The following NBAS variants were observed in gnomAD, a reference collection of about 807,000 sequenced individuals.
NBAS encodes the protein NBAS subunit of NRZ tethering complex.
NBAS carries 219 observed loss-of-function variants against 302.5 expected under a neutral mutation model. The ratio of observed to expected loss-of-function variants is 0.72; its 90% CI spans 0.65 to 0.81. The LOEUF (loss-of-function observed/expected upper bound fraction) is 0.81. Ranked by LOEUF, NBAS falls within the 30% of genes least tolerant of loss-of-function variation. The pLI, the probability that NBAS is intolerant of heterozygous loss-of-function variation, is 0.00. For synonymous variants in NBAS, 1,118 were observed against 1,021.6 expected (o/e 1.09, Z -1.80); for missense variants, 2,932 against 2,841.6 (o/e 1.03, Z -0.72).
chr2:15,260,646 T>C (rs764705260), intron 44 of NBAS, among the ~76,000 whole-genome samples: 1 of 152,118 alleles, frequency 6.6e-6, no homozygotes, highest in Non-Finnish European at 1.5e-5. Flanking sequence ...AATGACATTA[T>C]GTTAAAGGAC....
chr2:15,315,900 AG>A (rs1053372266), intron 38 of NBAS, among the ~76,000 whole-genome samples: 60 of 152,190 alleles, frequency 3.9e-4, no homozygotes, highest in Admixed American at 3.4e-3. Context: ...CTGTCTCAGC[AG>A]CCCTCACCCA....
intron 38 of NBAS, among the ~76,000 whole-genome samples, chr2:15,320,087 T>C (rs1373607256): frequency 1.3e-5 from 2 of 152,062 alleles, no homozygotes; most frequent in East Asian, 1.9e-4. Flanking sequence ...GCAAGGCTGG[T>C]TCAACATATG....
At chr2:15,080,941 G>A in the NBAS span, among the ~76,000 whole-genome samples, 3 of 152,122 alleles carry the variant, frequency 2.0e-5, no homozygotes, top group Non-Finnish European at 4.4e-5. Context: ...TATCCAAATG[G>A]TTGAGAAACA....
At chr2:15,370,293 T>C (rs1489234622) in intron 31 of NBAS, among the ~76,000 whole-genome samples, 3 of 152,126 alleles carry the variant, frequency 2.0e-5, no homozygotes, top group African/African-American at 2.4e-5. Context: ...CACCACCTCA[T>C]AGGGTATGGT....
chr2:15,213,385 G>A (rs1418181412), intron 48 of NBAS, among the ~76,000 whole-genome samples: 2 of 152,112 alleles, frequency 1.3e-5, no homozygotes, highest in Non-Finnish European at 2.9e-5. Flanking sequence ...ACCATGTATC[G>A]AGACGTGACA....
At chr2:15,037,582 A>C in the NBAS span, among the ~76,000 whole-genome samples, 1 of 152,246 alleles carries the variant, frequency 6.6e-6, no homozygotes, top group African/African-American at 2.4e-5. Flanking sequence ...CAAAATTAAA[A>C]TCACATTAAA....
the NBAS span, among the ~76,000 whole-genome samples, chr2:14,908,312 G>A: frequency 1.1e-4 from 16 of 152,280 alleles, 1 homozygote; most frequent in South Asian, 4.1e-4. Context: ...GCAGTGAGCC[G>A]AGATTGCACC....
At chr2:14,789,293 G>T in the NBAS span, among the ~76,000 whole-genome samples, 1 of 152,174 alleles carries the variant, frequency 6.6e-6, no homozygotes, top group Non-Finnish European at 1.5e-5. Flanking sequence ...CCCAAGTGAG[G>T]CAATGCCTCA....
At chr2:15,162,820 T>A (rs774759082), downstream of NBAS, among the ~76,000 whole-genome samples, 2 of 152,218 alleles carry the variant, frequency 1.3e-5, no homozygotes, top group African/African-American at 4.8e-5. Flanking sequence ...TTTGAAGTTA[T>A]TAAGAAGAAA....
chr2:15,268,934 C>A (rs937296862), intron 44 of NBAS, among the ~76,000 whole-genome samples: 1 of 152,188 alleles, frequency 6.6e-6, no homozygotes, highest in African/African-American at 2.4e-5. Flanking sequence ...GGAAGTAGCA[C>A]AAGCACAAAA....
chr2:14,919,010 A>G, the NBAS span, among the ~76,000 whole-genome samples: 1 of 152,100 alleles, frequency 6.6e-6, no homozygotes, highest in African/African-American at 2.4e-5. Context: ...ACAGAAGACA[A>G]CTGGGGAGAT....
At chr2:15,257,415 TTGA>T in intron 44 of NBAS, among the ~76,000 whole-genome samples, 1 of 151,572 alleles carries the variant, frequency 6.6e-6, no homozygotes, top group Non-Finnish European at 1.5e-5. Flanking sequence ...TTTTTTTTTT[TTGA>T]GTCTCTCTCT....
the NBAS span, among the ~76,000 whole-genome samples, chr2:15,091,665 TG>T: frequency 6.6e-6 from 1 of 152,122 alleles, no homozygotes. Flanking sequence ...ACAGAGTAGC[TG>T]GGATTACAGG....
At chr2:15,345,459 C>A in intron 35 of NBAS, among the ~76,000 whole-genome samples, 1 of 152,082 alleles carries the variant, frequency 6.6e-6, no homozygotes, top group Non-Finnish European at 1.5e-5. Flanking sequence ...ATGTGAAGGA[C>A]CTCTCAAGGA....
chr2:15,413,973 G>A (rs980577210), intron 25 of NBAS, among the ~76,000 whole-genome samples: 2 of 152,166 alleles, frequency 1.3e-5, no homozygotes, highest in Admixed American at 6.5e-5. Flanking sequence ...AGGATTTACG[G>A]AAGTATAACA....
intron 48 of NBAS, among the ~76,000 whole-genome samples, chr2:15,198,852 C>A (rs960035396): frequency 1.3e-5 from 2 of 152,054 alleles, no homozygotes; most frequent in African/African-American, 4.8e-5. Flanking sequence ...ATTGGCCGGG[C>A]GCGGTGGCTC....
chr2:15,324,311 A>G (rs1056315154), intron 38 of NBAS, among the ~76,000 whole-genome samples: 6 of 152,162 alleles, frequency 3.9e-5, no homozygotes, highest in Admixed American at 2.0e-4. Flanking sequence ...TCAGCCTACT[A>G]TCGCTTCATC....
intron 44 of NBAS, among the ~76,000 whole-genome samples, chr2:15,252,858 C>T (rs971945328): frequency 5.9e-5 from 9 of 152,098 alleles, no homozygotes; most frequent in Non-Finnish European, 1.2e-4. Context: ...GAAGAACATA[C>T]ATCCTAATGG....
chr2:15,301,547 T>C (rs1670795262), intron 40 of NBAS, among the ~76,000 whole-genome samples: 2 of 152,166 alleles, frequency 1.3e-5, no homozygotes, highest in African/African-American at 4.8e-5. Flanking sequence ...TCCAATTCAA[T>C]TCCTGGAGAC....
Sources: gnomAD v4.1 joint callset for allele counts (sites outside exome capture counted in the v4.1 genomes callset) on GRCh38, gnomAD v4.1.1 for gene constraint, MANE v1.5 for transcripts, NCBI Gene and HGNC (gene_info 2026-07-23, HGNC 2026-07-21) for gene names.